The following AUTS2 variants were observed in gnomAD, a reference collection of about 807,000 sequenced individuals.
The protein encoded by AUTS2 is activator of transcription and developmental regulator AUTS2.
A neutral mutation model predicts 112.4 loss-of-function variants in AUTS2; 17 were observed. The ratio of observed to expected loss-of-function variants is 0.15; its 90% CI spans 0.10 to 0.23. The LOEUF (loss-of-function observed/expected upper bound fraction) is 0.23. Ranked by LOEUF, AUTS2 falls within the 10% of genes least tolerant of loss-of-function variation. AUTS2 has a pLI of 1.00. For synonymous variants in AUTS2, 751 were observed against 702.7 expected (o/e 1.07, Z -1.09); for missense variants, 1,510 against 1,701.6 (o/e 0.89, Z 1.98).
At chr7:70,149,597 T>C (rs867741952) in intron 4 of AUTS2, among the ~76,000 whole-genome samples, 5 of 152,078 alleles carry the variant, frequency 3.3e-5, no homozygotes, top group Admixed American at 1.3e-4. Flanking sequence ...CCTTCATAAA[T>C]TGACAACAAT....
At chr7:70,219,666 G>A (rs1811371140) in intron 4 of AUTS2, among the ~76,000 whole-genome samples, 1 of 151,624 alleles carries the variant, frequency 6.6e-6, no homozygotes, top group African/African-American at 2.4e-5. Context: ...CTGCCTCCCG[G>A]GTTCAAGCGA....
At chr7:70,632,508 C>T (rs530205786) in intron 5 of AUTS2, among the ~76,000 whole-genome samples, 2 of 151,904 alleles carry the variant, frequency 1.3e-5, no homozygotes, top group African/African-American at 4.8e-5. Context: ...CTCTGCTTGT[C>T]CTAGGACTGC....
At chr7:70,055,917 C>T (rs559553666) in intron 2 of AUTS2, among the ~76,000 whole-genome samples, 61 of 152,094 alleles carry the variant, frequency 4.0e-4, no homozygotes, top group Middle Eastern at 6.8e-3. Flanking sequence ...AACTCCTGAC[C>T]TCGTGATCCA....
At chr7:69,627,737 G>A (rs1170020848) in intron 1 of AUTS2, among the ~76,000 whole-genome samples, 1 of 152,078 alleles carries the variant, frequency 6.6e-6, no homozygotes, top group East Asian at 1.9e-4. Flanking sequence ...TTGAGTAGAA[G>A]CCCCATTACT....
chr7:70,409,314 T>A (rs1794676245), intron 4 of AUTS2, among the ~76,000 whole-genome samples: 1 of 152,152 alleles, frequency 6.6e-6, no homozygotes. Flanking sequence ...TTGTCTAGTA[T>A]CACTTGGTGT....
intron 4 of AUTS2, among the ~76,000 whole-genome samples, chr7:70,336,267 A>G (rs1299946479): frequency 6.7e-6 from 1 of 149,560 alleles, no homozygotes; most frequent in Non-Finnish European, 1.5e-5. Flanking sequence ...AAAGTCACCA[A>G]CTTGTCCCAG....
intron 2 of AUTS2, among the ~76,000 whole-genome samples, chr7:70,042,481 C>T (rs1458168267): frequency 6.6e-6 from 1 of 151,948 alleles, no homozygotes; most frequent in Non-Finnish European, 1.5e-5. Flanking sequence ...CAATTTTTTC[C>T]TCATTATTTT....
At chr7:69,679,352 A>T (rs1477495993) in intron 1 of AUTS2, among the ~76,000 whole-genome samples, 7 of 152,242 alleles carry the variant, frequency 4.6e-5, no homozygotes, top group Non-Finnish European at 8.8e-5. Context: ...CAGGCTCAAC[A>T]ATGCCTTAGC....
chr7:70,219,376 G>A (rs1287466633), intron 4 of AUTS2, among the ~76,000 whole-genome samples: 5 of 151,932 alleles, frequency 3.3e-5, no homozygotes, highest in Middle Eastern at 3.2e-3. Flanking sequence ...TCGCTCATGC[G>A]TTCTCCAATA....
At chr7:70,114,812 A>AG (rs1805274153) in intron 2 of AUTS2, among the ~76,000 whole-genome samples, 1 of 152,244 alleles carries the variant, frequency 6.6e-6, no homozygotes, top group African/African-American at 2.4e-5. Context: ...AGAAAAAAAA[A>AG]AAAGAAAGAA....
chr7:69,740,958 G>A (rs896711026), intron 1 of AUTS2, among the ~76,000 whole-genome samples: 1 of 152,146 alleles, frequency 6.6e-6, no homozygotes, highest in South Asian at 2.1e-4. Flanking sequence ...GGCTTGGATA[G>A]TTCTAGCAAT....
chr7:69,837,498 C>G (rs1791779144), intron 1 of AUTS2, among the ~76,000 whole-genome samples: 1 of 152,112 alleles, frequency 6.6e-6, no homozygotes, highest in Non-Finnish European at 1.5e-5. Flanking sequence ...GCTTCATTAT[C>G]CCCCTAAGTG....
At position 70,349,183 on chromosome 7, in the gene AUTS2, C is replaced by T. The variant is rs369442295; in HGVS notation, c.661-86569C>T. ...TCCCAGACTTACAGGCAGTCTGGCTCAGAGACCTCTGCTCACAGACACTCC... is the reference window on the plus strand; with the variant it reads ...TCCCAGACTTACAGGCAGTCTGGCTTAGAGACCTCTGCTCACAGACACTCC... On this transcript the variant is annotated intron_variant, in intron 4 of 18. Transcript: ENST00000342771. Among the ~76,000 whole-genome samples, 6 of 152,256 alleles carry T rather than the reference C, an allele frequency of 3.9e-5. No homozygotes were observed. In the East Asian group the frequency reaches 1.2e-3, roughly 30 times the overall value.
At chr7:70,182,629 G>A (rs1809378628) in intron 4 of AUTS2, among the ~76,000 whole-genome samples, 1 of 152,116 alleles carries the variant, frequency 6.6e-6, no homozygotes, top group Non-Finnish European at 1.5e-5. Context: ...TAGAGTGAAT[G>A]TTTTAGTTTT....
chr7:70,610,423 C>CTTTT (rs3054735), intron 5 of AUTS2, among the ~76,000 whole-genome samples: 1 of 77,442 alleles, frequency 1.3e-5, no homozygotes, highest in Non-Finnish European at 2.5e-5. Flanking sequence ...TAGCGCTCAT[C>CTTTT]TTTTTTTTTT....
At chr7:69,683,291 G>A (rs1352952401) in intron 1 of AUTS2, among the ~76,000 whole-genome samples, 1 of 152,186 alleles carries the variant, frequency 6.6e-6, no homozygotes, top group Admixed American at 6.5e-5. Flanking sequence ...TCGCCATGAT[G>A]TCCTGCACAC....
At chr7:69,941,263 C>T (rs984153937) in intron 2 of AUTS2, among the ~76,000 whole-genome samples, 1 of 151,806 alleles carries the variant, frequency 6.6e-6, no homozygotes, top group East Asian at 1.9e-4. Flanking sequence ...AGCAGCACTG[C>T]ACAACAGTGG....
chr7:70,645,128 G>A lies in AUTS2; in HGVS notation c.691-53441G>A, dbSNP rs529729229. ...TTCATCTTCCTTCAGGCTCACAAGC[G>A]TTCTTCACCCAAAGGGAGGGAGATT... On this transcript the variant is annotated intron_variant, in intron 5 of 18. Transcript: ENST00000342771. 3.0e-3 allele frequency among the ~76,000 whole-genome samples: 457 copies of A among 152,232 alleles called. 3 individuals are homozygous for A. Among genetic ancestry groups the A allele is most frequent in the African/African-American group, 0.01 (430 of 41,542 alleles).
In AUTS2 at chr7:70,375,497, G is replaced by T. The variant is rs370049586; in HGVS notation, c.661-60255G>T. On this transcript the variant is annotated intron_variant, in intron 4 of 18. Transcript: ENST00000342771. ...ATTTTACGTCCAACTAGGTAGTATG[G>T]AATGCAAGAGAAGGTGTAAGTTATG... Among the ~76,000 whole-genome samples, 29 of 152,294 alleles carry T rather than the reference G, an allele frequency of 1.9e-4. No homozygotes were observed. The East Asian group carries it at 4.8e-3, about 25-fold the overall frequency.
Sources: gnomAD v4.1 joint callset for allele counts (sites outside exome capture counted in the v4.1 genomes callset) on GRCh38, gnomAD v4.1.1 for gene constraint, MANE v1.5 for transcripts, NCBI Gene and HGNC (gene_info 2026-07-23, HGNC 2026-07-21) for gene names.